Variants in DERL2 observed in about 807,000 individuals in gnomAD.
The protein encoded by DERL2 is derlin-2.
Under a neutral mutation model 32.0 loss-of-function variants are expected in DERL2, and 13 were observed. The observed-to-expected ratio is 0.41, with a 90% CI of 0.26 to 0.65. The LOEUF is 0.65. DERL2 is among the 30% of genes least tolerant of loss of function. The pLI is 0.35. For synonymous variants in DERL2, 111 were observed against 104.7 expected, an observed-to-expected ratio of 1.06 and a Z score of -0.37; for missense variants, 208 against 296.3, an observed-to-expected ratio of 0.70 and a Z score of 2.19.
At position 5,474,856 on chromosome 17, in the gene DERL2, AGTTCAGGCCCCATAGG is replaced by A; in HGVS notation, c.615-83_615-68del. 8.0e-7 allele frequency: 1 copy of A among 1,247,160 alleles called. No individual in the cohort carries two copies. The highest frequency in any genetic ancestry group is 1.1e-6 in the Non-Finnish European group (1 of 870,194). The allele number at this position is 1,247,160 out of a possible 1,614,324, so 77.3% of individuals were successfully genotyped here. On this transcript the variant is annotated intron_variant, in intron 6 of 6. Coordinates refer to ENST00000158771, the MANE Select transcript of DERL2 (RefSeq NM_016041.5). This position sits in a 1 kb window ranked among gnomAD's most constrained non-coding sequence, Gnocchi z 4.3. ...CTCAGGTCCAAAGTACTACAAGGTC[AGTTCAGGCCCCATAGG>A]GTTTCCACCAATAGGTAAGCATTAC...
intron 1 of DERL2, chr17:5,485,867 C>A (rs1035436258): frequency 8.9e-6 from 4 of 449,404 alleles, no homozygotes; most frequent in Non-Finnish European, 1.6e-5. Flanking sequence ...ACTGACCTGA[C>A]CCCCCATGAA....
At chr17:5,484,917 G>C (rs1200644085) in intron 2 of DERL2, among the ~76,000 whole-genome samples, 1 of 152,190 alleles carries the variant, frequency 6.6e-6, no homozygotes, top group Admixed American at 6.5e-5. Context: ...TCCTACCCTT[G>C]CAAATTCTGA....
intron 3 of DERL2, 47 bp downstream of exon 3, chr17:5,482,762 C>T: frequency 9.2e-7 from 1 of 1,092,208 alleles, no homozygotes; most frequent in South Asian, 1.4e-5. Flanking sequence ...TAATTTTTTA[C>T]TTCCTAAGAA....
In DERL2 at chr17:5,471,686, T is replaced by C. The variant is rs1436424876; in HGVS notation, c.*2998A>G. ...TCTGAGCAGAGGAGTGACTTGATCA[T>C]ACAAGATTCAACAATTTTATTGCAA... On this transcript the variant is annotated 3_prime_UTR_variant, in exon 7 of 7. Coordinates refer to ENST00000158771, the MANE Select transcript of DERL2 (RefSeq NM_016041.5). The C allele has an allele frequency of 6.6e-6, 1 of 152,180 alleles. No individual in the cohort carries two copies. Among genetic ancestry groups the C allele is most frequent in the Admixed American group, 6.5e-5 (1 of 15,280 alleles). The allele number at this position is 152,180 out of a possible 1,614,324, so 9.4% of individuals were successfully genotyped here. A position where few individuals can be genotyped will look rare whatever the true frequency, so the allele number is the denominator to read the frequency against.
rs1905151078 is a variant in DERL2, at chr17:5,472,122, A to T, written c.*2562T>A. 1 of 152,244 alleles carries T rather than the reference A, an allele frequency of 6.6e-6. No individual in the cohort carries two copies. Among genetic ancestry groups the T allele is most frequent in the South Asian group, 2.1e-4 (1 of 4,836 alleles). 9.4% of individuals were successfully genotyped at this position (152,244 alleles called of 1,614,324 possible). ...TATCTCCTAAGGAGATGCAATTTGT[A>T]TGTCCATTTATTTTTAAATGAACGT... On this transcript the variant is annotated 3_prime_UTR_variant, in exon 7 of 7. Transcript: ENST00000158771.
At chr17:5,480,806 C>T in intron 4 of DERL2, 1 of 456,148 alleles carries the variant, frequency 2.2e-6, no homozygotes, top group Non-Finnish European at 3.8e-6. Context: ...CAAACAAATA[C>T]TCTGCTTTCG....
chr17:5,486,220 G>T, upstream of DERL2: 1 of 1,388,422 alleles, frequency 7.2e-7, no homozygotes, highest in African/African-American at 1.6e-5. Flanking sequence ...CCGCCAGCAG[G>T]CCCCGGCGGC....
Position 5,480,152 on chromosome 17 carries a change from C to T in DERL2, c.524-8G>A, listed in dbSNP as rs778250637. 1.3e-6 allele frequency: 2 copies of T among 1,570,022 alleles called. No individual in the cohort carries two copies. Among genetic ancestry groups the T allele is most frequent in the South Asian group, 1.1e-5 (1 of 89,160 alleles). The stretch of plus-strand genomic sequence containing the variant: ...TGTGTCCAACTGCAATACCTAGAGT[C>T]AAGCAGAAATAAAGGATGAGGGAGA... On this transcript the variant is annotated splice_region_variant and splice_polypyrimidine_tract_variant and intron_variant, in intron 5 of 6. Coordinates refer to ENST00000158771, the MANE Select transcript of DERL2 (RefSeq NM_016041.5).
chr17:5,474,627 T>C lies in DERL2; in HGVS notation c.*57A>G. Reference sequence around the variant, plus strand: ...CACTTTTGCAACAAAGGATAAAAGATCCCAGTGGGTATCACCGAGTCCTTC... The same window carrying C: ...CACTTTTGCAACAAAGGATAAAAGACCCCAGTGGGTATCACCGAGTCCTTC... On this transcript the variant is annotated 3_prime_UTR_variant, in exon 7 of 7. Coordinates refer to ENST00000158771, the MANE Select transcript of DERL2 (RefSeq NM_016041.5). The surrounding 1 kb of genome is among the most constrained non-coding windows in gnomAD (Gnocchi z 4.3). 7.4e-7 allele frequency: 1 copy of C among 1,342,502 alleles called. No homozygotes were observed. Among genetic ancestry groups the C allele is most frequent in the Non-Finnish European group, 1.0e-6 (1 of 961,152 alleles). The allele number at this position is 1,342,502 out of a possible 1,614,324, so 83.2% of individuals were successfully genotyped here.
Position 5,480,135 on chromosome 17 carries a change from A to G in DERL2, c.533T>C (p.Val178Ala), listed in dbSNP as rs1384231469. The change falls in exon 6 of 7, where the codon GTT becomes GCT. Residue 178 changes from valine (V) to alanine (A), a missense_variant. Val to Ala is a moderately conservative substitution (Grantham distance 64). Transcript: ENST00000158771. ...TTCCAAGAAAAAATATATGTGTCCA[A>G]CTGCAATACCTAGAGTCAAGCAGAA... ...SIIVDLLGIA[V>A]GHIYFFLEDV... The G allele has an allele frequency of 1.2e-6, 2 of 1,602,020 alleles. No individual in the cohort carries two copies. Among genetic ancestry groups the G allele is most frequent in the South Asian group, 1.1e-5 (1 of 90,672 alleles).
chr17:5,485,834 G>A (rs1005732571), intron 1 of DERL2: 15 of 406,872 alleles, frequency 3.7e-5, no homozygotes, highest in Non-Finnish European at 6.5e-5. Context: ...ACCCGCTATA[G>A]GTCCGGCGCT....
At chr17:5,480,316 T>TA in intron 5 of DERL2, 71 bp downstream of exon 5, 7 of 1,482,432 alleles carry the variant, frequency 4.7e-6, no homozygotes, top group Non-Finnish European at 4.6e-6. Flanking sequence ...CCAAACAGAA[T>TA]AAACATGAAA....
Position 5,475,637 on chromosome 17 carries a change from T to C in DERL2, c.615-848A>G, listed in dbSNP as rs116255141. Among the ~76,000 whole-genome samples, 610 of 152,152 alleles carry C rather than the reference T, an allele frequency of 4.0e-3. 3 individuals carry two copies. Among genetic ancestry groups the C allele is most frequent in the African/African-American group, 0.014 (576 of 41,506 alleles). ...GGCGCATGCCTGTAATCCCAGCTACTACTCAGGCGGCTGAGGCAGAAGAAT... is the reference window on the plus strand; with the variant it reads ...GGCGCATGCCTGTAATCCCAGCTACCACTCAGGCGGCTGAGGCAGAAGAAT... On this transcript the variant is annotated intron_variant, in intron 6 of 6. Coordinates refer to ENST00000158771, the MANE Select transcript of DERL2 (RefSeq NM_016041.5).
rs536531925 is a variant in DERL2, at chr17:5,472,180, A to G, written c.*2504T>C. On this transcript the variant is annotated 3_prime_UTR_variant, in exon 7 of 7. Transcript: ENST00000158771. ...ATTTCCATAACAAACAAAAAACACTATGCTTTAGTCAAGTGTGCTTTTCAG... is the reference window on the plus strand; with the variant it reads ...ATTTCCATAACAAACAAAAAACACTGTGCTTTAGTCAAGTGTGCTTTTCAG... 2 of 152,340 alleles carry G rather than the reference A, an allele frequency of 1.3e-5. No homozygotes were observed. Among genetic ancestry groups the G allele is most frequent in the African/African-American group, 4.8e-5 (2 of 41,576 alleles). The allele number at this position is 152,340 out of a possible 1,614,324, so 9.4% of individuals were successfully genotyped here. A position where few individuals can be genotyped will look rare whatever the true frequency, so the allele number is the denominator to read the frequency against.
chr17:5,476,988 G>A (rs1905432520), intron 6 of DERL2, among the ~76,000 whole-genome samples: 1 of 152,122 alleles, frequency 6.6e-6, no homozygotes, highest in Non-Finnish European at 1.5e-5. Flanking sequence ...GAATCTGAGG[G>A]TGAGTGAGAT....
chr17:5,486,228 G>A (rs1417859373), upstream of DERL2: 1 of 1,363,334 alleles, frequency 7.3e-7, no homozygotes, highest in African/African-American at 1.6e-5. Flanking sequence ...AGGCCCCGGC[G>A]GCGGGGCGGG....
In DERL2 at chr17:5,471,450, C is replaced by T. The variant is rs946190895; in HGVS notation, c.*3234G>A. 5.3e-5 allele frequency: 8 copies of T among 152,120 alleles called. No individual in the cohort carries two copies. The highest frequency in any genetic ancestry group is 1.9e-4 in the African/African-American group (8 of 41,410). 9.4% of individuals were successfully genotyped at this position (152,120 alleles called of 1,614,324 possible). On this transcript the variant is annotated 3_prime_UTR_variant, in exon 7 of 7. Transcript: ENST00000158771. ...ATATATAATTTGGCGTTAAGAATGT[C>T]ATACAGACTTGAAGCTTTATAGGGA...
chr17:5,473,431 G>A lies in DERL2; in HGVS notation c.*1253C>T, dbSNP rs1422499415. On this transcript the variant is annotated 3_prime_UTR_variant, in exon 7 of 7. Transcript: ENST00000158771. ...TCTACCTGATTGGGAAGGTAATCCA[G>A]GTACTTGGCTCTGAAAAGGTTCTTG... 2 of 152,044 alleles carry A rather than the reference G, an allele frequency of 1.3e-5. No individual in the cohort carries two copies. The highest frequency in any genetic ancestry group is 1.3e-4 in the Admixed American group (2 of 15,256). 9.4% of individuals were successfully genotyped at this position (152,044 alleles called of 1,614,324 possible).
chr17:5,473,730 T>C lies in DERL2; in HGVS notation c.*954A>G, dbSNP rs1057073198. Reference sequence around the variant, plus strand: ...ACTTTGGGAGGCTGAGGTGGGAGGATTGCTTGAGTCCAGGAGTTCAAGACC... The same window carrying C: ...ACTTTGGGAGGCTGAGGTGGGAGGACTGCTTGAGTCCAGGAGTTCAAGACC... On this transcript the variant is annotated 3_prime_UTR_variant, in exon 7 of 7. Coordinates refer to ENST00000158771, the MANE Select transcript of DERL2 (RefSeq NM_016041.5). 7.3e-5 allele frequency: 11 copies of C among 150,920 alleles called. No individual in the cohort carries two copies. Among genetic ancestry groups the C allele is most frequent in the East Asian group, 1.9e-4 (1 of 5,160 alleles). 9.3% of individuals were successfully genotyped at this position (150,920 alleles called of 1,614,324 possible). A position where few individuals can be genotyped will look rare whatever the true frequency, so the allele number is the denominator to read the frequency against.
Sources: gnomAD v4.1 joint callset for allele counts (sites outside exome capture counted in the v4.1 genomes callset) on GRCh38, gnomAD v4.1.1 for gene constraint, Gnocchi (gnomAD v3.1) non-coding constraint, MANE v1.5 for transcripts, NCBI Gene and HGNC (gene_info 2026-07-23, HGNC 2026-07-21) for gene names.